The following CHIT1 variants were observed in gnomAD, a reference collection of about 807,000 sequenced individuals.
The protein encoded by CHIT1 is chitotriosidase-1.
A neutral mutation model predicts 52.0 loss-of-function variants in CHIT1; 47 were observed. The ratio of observed to expected loss-of-function variants is 0.90; its 90% confidence interval spans 0.71 to 1.15. The LOEUF (loss-of-function observed/expected upper bound fraction) is 1.15. CHIT1 is among the 50% of genes most tolerant of loss of function. The pLI, the probability that CHIT1 is intolerant of heterozygous loss-of-function variation, is 0.00. For synonymous variants in CHIT1, 242 were observed against 228.2 expected, an observed-to-expected ratio of 1.06 and a Z score of -0.54; for missense variants, 569 against 583.0, an observed-to-expected ratio of 0.98 and a Z score of 0.25.
intron 4 of CHIT1, among the ~76,000 whole-genome samples, chr1:203,224,664 ACT>A (rs1300948015): frequency 6.6e-6 from 1 of 151,970 alleles, no homozygotes; most frequent in Admixed American, 6.6e-5. Flanking sequence ...TGGAATAAAC[ACT>A]CTTTCTGGGA....
chr1:203,228,590 G>C, intron 1 of CHIT1, 28 bp from the exon 2 acceptor site: 1 of 1,572,626 alleles, frequency 6.4e-7, no homozygotes, highest in Non-Finnish European at 8.6e-7. Context: ...AGAAGGCCAG[G>C]GTTATGCTGC....
chr1:203,222,872 G>A (rs912026753), intron 6 of CHIT1, among the ~76,000 whole-genome samples: 8 of 152,172 alleles, frequency 5.3e-5, no homozygotes, highest in African/African-American at 1.7e-4. Context: ...TTAAGAATGA[G>A]TTCCCGAGGA....
Position 203,223,593 on chromosome 1 carries a change from G to C in CHIT1, c.382C>G (p.Arg128Gly), listed in dbSNP as rs377403883. The C allele has an allele frequency of 3.7e-6, 6 of 1,614,076 alleles. No individual in the cohort carries two copies. Among genetic ancestry groups the C allele is most frequent in the Non-Finnish European group, 5.1e-6 (6 of 1,180,036 alleles). ...TFVNSAIRFL[R>G]KYSFDGLDLD... The stretch of plus-strand genomic sequence containing the variant: ...TCAAGGCCGTCAAAGCTGTATTTGC[G>C]CAGAAACCTGATGGCCGAGTTGACA... The change falls in exon 5 of 11, where the codon CGC becomes GGC. Residue 128 changes from arginine to glycine, a missense_variant. Arg to Gly is a moderately radical substitution (Grantham distance 125). Coordinates refer to ENST00000367229, the MANE Select transcript of CHIT1 (RefSeq NM_003465.3).
At chr1:203,224,967 C>A (rs1571849313) in intron 4 of CHIT1, 81 bp downstream of exon 4, 1 of 1,312,126 alleles carries the variant, frequency 7.6e-7, no homozygotes, top group East Asian at 2.3e-5. Flanking sequence ...TGGCCTGATT[C>A]CCTGACCAGG....
chr1:203,219,945 G>A (rs894563812), intron 7 of CHIT1, 96 bp from the exon 8 acceptor site: 1 of 1,420,714 alleles, frequency 7.0e-7, no homozygotes, highest in East Asian at 2.4e-5. Context: ...GAGGGCAGGG[G>A]CTCCTCAGCT....
rs572281937 is a variant in CHIT1 at position 203,222,137 on chromosome 1, A to T, written c.729+65T>A. On this transcript the variant is annotated intron_variant, in intron 7 of 10. Transcript: ENST00000367229. ...TTCCCATGAGGGCCTCGGGGCTCAA[A>T]AGAAGCCACCAAACAGGGCCTGCTG... 521 of 1,609,554 alleles carry T rather than the reference A, an allele frequency of 3.2e-4. 2 individuals carry two copies. The African/African-American group carries it at 6.4e-3, about 20-fold the overall frequency.
chr1:203,225,960 G>A, intron 2 of CHIT1, 90 bp from the exon 3 acceptor site: 2 of 1,369,426 alleles, frequency 1.5e-6, no homozygotes, highest in Non-Finnish European at 2.0e-6. Flanking sequence ...AATGTCCTTG[G>A]ACCTCCCTCT....
intron 7 of CHIT1, among the ~76,000 whole-genome samples, chr1:203,221,069 G>C (rs1015289747): frequency 1.3e-5 from 2 of 152,214 alleles, no homozygotes; most frequent in African/African-American, 4.8e-5. Context: ...GGATGGAGAG[G>C]CCAGGCTCAG....
chr1:203,228,498 A>G, intron 2 of CHIT1, 35 bp downstream of exon 2: 2 of 1,573,346 alleles, frequency 1.3e-6, no homozygotes, highest in Non-Finnish European at 1.7e-6. Flanking sequence ...GAGCCCAGGG[A>G]AGGGGCTGAG....
intron 10 of CHIT1, 61 bp downstream of exon 10, chr1:203,217,678 A>G: frequency 1.2e-6 from 2 of 1,613,010 alleles, no homozygotes; most frequent in African/African-American, 1.3e-5. Flanking sequence ...CATTGGATGC[A>G]TGGAGCTGTG....
chr1:203,228,231 G>A (rs1019463710), intron 2 of CHIT1, among the ~76,000 whole-genome samples: 4 of 151,572 alleles, frequency 2.6e-5, no homozygotes, highest in Admixed American at 1.3e-4. Flanking sequence ...AAAACACACA[G>A]GTGCTGCAAG....
chr1:203,223,075 C>T, intron 6 of CHIT1, 60 bp downstream of exon 6: 5 of 1,609,458 alleles, frequency 3.1e-6, no homozygotes, highest in South Asian at 2.2e-5. Flanking sequence ...AAAGCTCAGT[C>T]TGCCCTTGGC....
intron 4 of CHIT1, among the ~76,000 whole-genome samples, chr1:203,224,737 G>A (rs2102240589): frequency 6.6e-6 from 1 of 152,238 alleles, no homozygotes; most frequent in Middle Eastern, 3.4e-3. Flanking sequence ...GGATTAGTTG[G>A]GACCCTCCCT....
In CHIT1 at chr1:203,218,080, C is replaced by A. The variant is rs767273553; in HGVS notation, c.1030-215G>T. 9.4e-5 allele frequency: 142 copies of A among 1,508,922 alleles called. No homozygotes were observed. The African/African-American group carries it at 1.9e-3, about 20-fold the overall frequency. 93.5% of individuals were successfully genotyped at this position (1,508,922 alleles called of 1,614,324 possible). On this transcript the variant is annotated intron_variant, in intron 9 of 10. Coordinates refer to ENST00000367229, the MANE Select transcript of CHIT1 (RefSeq NM_003465.3). ...TCATTTTGCAGTCTCCTTGTCTTAA[C>A]GTAAGCATGACCTGGGGTGGGGTGG...
In CHIT1 at chr1:203,216,426, G is replaced by T. The variant is rs771063809; in HGVS notation, c.*463C>A. ...AATAACACGTGCGTGAAGGTCCGCA[G>T]AAGCTCCTGTTTCCAGGCTTCTGAG... On this transcript the variant is annotated 3_prime_UTR_variant, in exon 11 of 11. Coordinates refer to ENST00000367229, the MANE Select transcript of CHIT1 (RefSeq NM_003465.3). 2.2e-6 allele frequency: 1 copy of T among 454,672 alleles called. No individual in the cohort carries two copies. The highest frequency in any genetic ancestry group is 1.6e-5 in the South Asian group (1 of 64,486). The allele number at this position is 454,672 out of a possible 1,614,324, so 28.2% of individuals were successfully genotyped here.
At position 203,219,832 on chromosome 1, in the gene CHIT1, C is replaced by T. The variant is rs1403876953; in HGVS notation, c.747G>A (p.Gln249=). 1 of 1,612,250 alleles carries T rather than the reference C, an allele frequency of 6.2e-7. No individual in the cohort carries two copies. The highest frequency in any genetic ancestry group is 1.7e-5 in the Admixed American group (1 of 60,014). ...TGGCAGGGGTCCCCTTCTGCAGCCACTGTTGCACAGCAGCATCCTGGTGGA... is the reference window on the plus strand; with the variant it reads ...TGGCAGGGGTCCCCTTCTGCAGCCATTGTTGCACAGCAGCATCCTGGTGGA... ...ASLNVDAAVQ[Q]WLQKGTPASK... is the part of the protein sequence containing the mutation. Residue 249 remains glutamine (Q), a synonymous_variant, in exon 8 of 11, where the codon CAG becomes CAA. Transcript: ENST00000367229.
At position 203,225,032 on chromosome 1, in the gene CHIT1, A is replaced by G. The variant is rs1405137508; in HGVS notation, c.314+16T>C. The G allele has an allele frequency of 6.2e-7, 1 of 1,612,300 alleles. No individual in the cohort carries two copies. On this transcript the variant is annotated intron_variant, in intron 4 of 10. Transcript: ENST00000367229. ...ATCCAGGAGCTTTACCACACAGGTG[A>G]CCACAGTCAACTAACTTCTGAGTGC... is the stretch of plus-strand genomic sequence containing the variant.
rs771515514 is a variant in CHIT1, at chr1:203,217,061, T to C, written c.1229A>G (p.His410Arg). 5 of 1,613,808 alleles carry C rather than the reference T, an allele frequency of 3.1e-6. No individual in the cohort carries two copies. The highest frequency in any genetic ancestry group is 4.2e-6 in the Non-Finnish European group (5 of 1,180,038). ...PKPGQPSEPE[H>R]GPSPGQDTFC... ...CGTGTCTTGTCCAGGGCTGGGGCCA[T>C]GCTCAGGTTCAGAGGGCTGACCTGG... The change falls in exon 11 of 11, where the codon CAT becomes CGT. Residue 410 changes from histidine (H) to arginine (R), a missense_variant. Transcript: ENST00000367229.
At position 203,223,489 on chromosome 1, in the gene CHIT1, C is replaced by A. The variant is rs1656815497; in HGVS notation, c.480+6G>T. The A allele has an allele frequency of 6.2e-7, 1 of 1,614,080 alleles. No individual in the cohort carries two copies. The highest frequency in any genetic ancestry group is 8.5e-7 in the Non-Finnish European group (1 of 1,180,026). ...GACTGGTGATCCCCGCCCCGCCCAGCCATACCTGTACCAGGGTTGTGAAGC... is the reference window on the plus strand; with the variant it reads ...GACTGGTGATCCCCGCCCCGCCCAGACATACCTGTACCAGGGTTGTGAAGC... On this transcript the variant is annotated splice_donor_region_variant and intron_variant, in intron 5 of 10. Transcript: ENST00000367229.
Sources: gnomAD v4.1 joint callset for allele counts (sites outside exome capture counted in the v4.1 genomes callset) on GRCh38, gnomAD v4.1.1 for gene constraint, MANE v1.5 for transcripts, NCBI Gene and HGNC (gene_info 2026-07-23, HGNC 2026-07-21) for gene names.